Variants in CDK5RAP2 observed in about 807,000 individuals in gnomAD.
CDK5RAP2 encodes the protein CDK5 regulatory subunit associated protein 2.
Under a neutral mutation model 232.9 loss-of-function variants are expected in CDK5RAP2, and 147 were observed. That is an observed-to-expected ratio of 0.63 (90% CI 0.55 to 0.72). The LOEUF (loss-of-function observed/expected upper bound fraction) is 0.72, where lower values mean the gene tolerates loss of function less well. Ranked by LOEUF, CDK5RAP2 falls within the 30% of genes least tolerant of loss-of-function variation. The probability of loss-of-function intolerance (pLI) is 0.00; values close to 1 mark genes in which losing one functional copy is unlikely to be tolerated. For missense variants in CDK5RAP2, 2,195 were observed against 2,231.5 expected (o/e 0.98, Z 0.33); for synonymous variants, 833 against 833.7 (o/e 1.00, Z 0.01).
At chr9:120,556,286 T>C (rs2042225331) in intron 3 of CDK5RAP2, among the ~76,000 whole-genome samples, 1 of 152,204 alleles carries the variant, frequency 6.6e-6, no homozygotes, top group Admixed American at 6.5e-5. Context: ...AGCTGATTTT[T>C]AAAATAACTA....
intron 21 of CDK5RAP2, among the ~76,000 whole-genome samples, chr9:120,450,102 C>T (rs1362063770): frequency 1.3e-5 from 2 of 152,158 alleles, no homozygotes; most frequent in Admixed American, 6.5e-5. Flanking sequence ...AAAGTGGAAA[C>T]AGCTCAAATG....
chr9:120,509,172 C>T (rs2039964185), intron 12 of CDK5RAP2, among the ~76,000 whole-genome samples: 1 of 152,216 alleles, frequency 6.6e-6, no homozygotes, highest in South Asian at 2.1e-4. Context: ...AAGGAACAGA[C>T]AAGCACTTTC....
intron 2 of CDK5RAP2, 113 bp from the exon 3 acceptor site, chr9:120,568,501 C>T (rs1425502025): frequency 9.9e-6 from 8 of 806,758 alleles, no homozygotes; most frequent in Admixed American, 3.5e-5. Flanking sequence ...ACAGTACACG[C>T]GGCTGGTACT....
At chr9:120,467,564 T>C (rs1254443077) in intron 18 of CDK5RAP2, among the ~76,000 whole-genome samples, 2 of 152,204 alleles carry the variant, frequency 1.3e-5, no homozygotes, top group Non-Finnish European at 2.9e-5. Flanking sequence ...CATACATATA[T>C]ATAAATATAT....
intron 18 of CDK5RAP2, 150 bp downstream of exon 18, chr9:120,467,710 A>C: frequency 1.3e-6 from 1 of 780,600 alleles, no homozygotes; most frequent in Non-Finnish European, 2.2e-6. Context: ...TAGTGGTGTA[A>C]TCACAGCTCA....
intron 18 of CDK5RAP2, among the ~76,000 whole-genome samples, chr9:120,465,411 GA>G (rs1415926706): frequency 2.6e-5 from 4 of 151,984 alleles, no homozygotes; most frequent in African/African-American, 9.7e-5. Flanking sequence ...GCAACAACAG[GA>G]TACCTGTTCT....
At chr9:120,492,587 CTTTGTAACCAGTTAACTGG>C (rs1441645409) in intron 12 of CDK5RAP2, among the ~76,000 whole-genome samples, 3 of 152,142 alleles carry the variant, frequency 2.0e-5, no homozygotes. Context: ...ATGAATCTAA[CTTTGTAACCAGTTAACTGG>C]TTAACCAAAC....
At chr9:120,542,276 G>C (rs372360490) in intron 5 of CDK5RAP2, among the ~76,000 whole-genome samples, 2 of 152,194 alleles carry the variant, frequency 1.3e-5, no homozygotes, top group East Asian at 1.9e-4. Flanking sequence ...GGCCAATGCA[G>C]GGGGGATCAC....
At chr9:120,574,821 CTTT>C (rs35178148) in intron 1 of CDK5RAP2, among the ~76,000 whole-genome samples, 88 of 128,504 alleles carry the variant, frequency 6.8e-4, no homozygotes, top group Non-Finnish European at 6.6e-4. Flanking sequence ...TTAATGTTGC[CTTT>C]TTTTTTTTTT....
intron 12 of CDK5RAP2, among the ~76,000 whole-genome samples, chr9:120,502,587 TC>T (rs1449930028): frequency 2.0e-5 from 3 of 152,158 alleles, no homozygotes; most frequent in African/African-American, 4.8e-5. Flanking sequence ...CTCCCACAAA[TC>T]CCCTAACAGA....
At chr9:120,484,014 C>T (rs1588455106) in intron 14 of CDK5RAP2, among the ~76,000 whole-genome samples, 1 of 152,296 alleles carries the variant, frequency 6.6e-6, no homozygotes, top group African/African-American at 2.4e-5. Context: ...TGCCAATAAC[C>T]AAGCCATGAA....
At chr9:120,468,209 C>T (rs184421504) in intron 17 of CDK5RAP2, among the ~76,000 whole-genome samples, 66 of 152,340 alleles carry the variant, frequency 4.3e-4, no homozygotes, top group African/African-American at 1.5e-3. Context: ...AGAGCCATCA[C>T]TTCAAGGCAA....
At chr9:120,490,787 C>T (rs180797754) in intron 13 of CDK5RAP2, among the ~76,000 whole-genome samples, 2 of 152,212 alleles carry the variant, frequency 1.3e-5, no homozygotes, top group African/African-American at 2.4e-5. Context: ...TGGGTTTATA[C>T]CTTTTTATTC....
chr9:120,554,445 A>G (rs1244861915), intron 3 of CDK5RAP2, among the ~76,000 whole-genome samples: 5 of 152,174 alleles, frequency 3.3e-5, no homozygotes, highest in African/African-American at 1.2e-4. Flanking sequence ...AGGCAGAAAG[A>G]TTAGTGGCTT....
rs16909739 is a variant in CDK5RAP2, at chr9:120,403,829, A to G, written c.5041+207T>C. Among the ~76,000 whole-genome samples the G allele has an allele frequency of 0.056, 8,515 of 152,292 alleles. 323 individuals are homozygous for G. Among genetic ancestry groups the G allele is most frequent in the South Asian group, 0.095 (458 of 4,828 alleles). Reference sequence around the variant, plus strand: ...TTTAATCTAAGGCAAGAGGGACCCAATGATGTTCTAACCTTGGTAACACCT... The same window carrying G: ...TTTAATCTAAGGCAAGAGGGACCCAGTGATGTTCTAACCTTGGTAACACCT... On this transcript the variant is annotated intron_variant, in intron 33 of 37. Coordinates refer to ENST00000349780, the MANE Select transcript of CDK5RAP2 (RefSeq NM_018249.6). The surrounding 1 kb of genome is among the most constrained non-coding windows in gnomAD (Gnocchi z 4.2).
chr9:120,455,902 A>C (rs2036747141), intron 20 of CDK5RAP2, among the ~76,000 whole-genome samples: 1 of 152,234 alleles, frequency 6.6e-6, no homozygotes, highest in South Asian at 2.1e-4. Context: ...ATAGGGCTCA[A>C]AATCAAGATA....
intron 35 of CDK5RAP2, 26 bp downstream of exon 35, chr9:120,400,716 C>G: frequency 1.9e-6 from 3 of 1,612,558 alleles, no homozygotes; most frequent in South Asian, 1.1e-5. Context: ...CATCCTTGAG[C>G]CTCTGAAACA....
At chr9:120,488,465 G>A (rs1380212363) in intron 13 of CDK5RAP2, among the ~76,000 whole-genome samples, 2 of 152,080 alleles carry the variant, frequency 1.3e-5, no homozygotes, top group African/African-American at 4.8e-5. Flanking sequence ...ATGGAAAATG[G>A]TGTCCTCTCC....
intron 16 of CDK5RAP2, 37 bp downstream of exon 16, chr9:120,471,711 A>G (rs2037714314): frequency 6.2e-7 from 1 of 1,613,748 alleles, no homozygotes; most frequent in African/African-American, 1.3e-5. Flanking sequence ...CTCCAAGTGG[A>G]AAAACCAAAG....
Sources: allele counts gnomAD v4.1 joint callset (sites outside exome capture counted in the v4.1 genomes callset), GRCh38; gene constraint gnomAD v4.1.1; non-coding constraint Gnocchi (gnomAD v3.1); transcripts MANE v1.5; gene names NCBI Gene and HGNC (gene_info 2026-07-23, HGNC 2026-07-21).